The following CDK13 variants were observed in gnomAD, a reference collection of about 807,000 sequenced individuals.
CDK13 encodes the protein cyclin dependent kinase 13.
Under a neutral mutation model 137.6 loss-of-function variants are expected in CDK13, and 40 were observed. That is an observed-to-expected ratio of 0.29 (90% CI 0.23 to 0.38). CDK13 has a LOEUF of 0.38. Among genes scored for constraint, CDK13 ranks in the 10% least tolerant of loss-of-function variants. CDK13 has a pLI of 1.00. For missense variants in CDK13, 1,704 were observed against 1,951.8 expected (o/e 0.87, Z 2.39); for synonymous variants, 869 against 760.1 (o/e 1.14, Z -2.36).
chr7:39,974,998 A>G (rs1463344420), intron 1 of CDK13, among the ~76,000 whole-genome samples: 1 of 152,190 alleles, frequency 6.6e-6, no homozygotes, highest in Non-Finnish European at 1.5e-5. Context: ...AGTTAGCTGC[A>G]GATTCGTCAT....
At chr7:40,090,574 G>A (rs919912781) in intron 12 of CDK13, among the ~76,000 whole-genome samples, 2 of 152,014 alleles carry the variant, frequency 1.3e-5, no homozygotes, top group Non-Finnish European at 2.9e-5. Context: ...GGCTGGTCTC[G>A]AACTCCTGAC....
intron 5 of CDK13, among the ~76,000 whole-genome samples, chr7:40,043,636 A>G (rs1785663872): frequency 6.6e-6 from 1 of 152,072 alleles, no homozygotes. Context: ...TGGGTAACAT[A>G]GAGAGACCCC....
At chr7:40,046,085 G>A (rs1785732783) in intron 6 of CDK13, 60 bp downstream of exon 6, 22 of 1,044,304 alleles carry the variant, frequency 2.1e-5, no homozygotes, top group Non-Finnish European at 2.8e-5. Context: ...TGTACATGGA[G>A]AGAATAGACT....
intron 4 of CDK13, among the ~76,000 whole-genome samples, chr7:40,001,582 A>G (rs1023029852): frequency 2.0e-5 from 3 of 152,148 alleles, no homozygotes; most frequent in African/African-American, 4.8e-5. Flanking sequence ...TTTTTCACTA[A>G]ATATATAAAT....
In CDK13 at chr7:40,088,350, G is replaced by A; in HGVS notation, c.3235+19G>A. 6.3e-7 allele frequency: 1 copy of A among 1,594,026 alleles called. No homozygotes were observed. The highest frequency in any genetic ancestry group is 8.6e-7 in the Non-Finnish European group (1 of 1,163,540). On this transcript the variant is annotated intron_variant, in intron 12 of 13. Coordinates refer to ENST00000181839, the MANE Select transcript of CDK13 (RefSeq NM_003718.5). ...GCACCTGGTCAGTAATGCTTCCATGGGTTGGTTTTCTTCACATTGTTTTGC... is the reference window on the plus strand; with the variant it reads ...GCACCTGGTCAGTAATGCTTCCATGAGTTGGTTTTCTTCACATTGTTTTGC...
intron 7 of CDK13, among the ~76,000 whole-genome samples, chr7:40,050,094 C>G (rs1255935312): frequency 1.3e-5 from 2 of 151,670 alleles, no homozygotes; most frequent in African/African-American, 4.9e-5. Flanking sequence ...ATTCTCCTGC[C>G]TCAGCCTACC....
At chr7:40,045,432 CTTTT>C (rs11362792) in intron 5 of CDK13, among the ~76,000 whole-genome samples, 29 of 130,782 alleles carry the variant, frequency 2.2e-4, no homozygotes, top group Middle Eastern at 4.5e-3. Flanking sequence ...GGCCTGTACT[CTTTT>C]TTTTTTTTTT....
chr7:39,966,896 G>A (rs775564417), intron 1 of CDK13, among the ~76,000 whole-genome samples: 40 of 152,094 alleles, frequency 2.6e-4, no homozygotes, highest in Non-Finnish European at 4.9e-4. Context: ...CTGTTTGCCT[G>A]GGTATCAGCA....
chr7:40,041,778 A>G (rs573520091), intron 5 of CDK13, among the ~76,000 whole-genome samples: 1 of 151,354 alleles, frequency 6.6e-6, no homozygotes, highest in East Asian at 1.9e-4. Flanking sequence ...TCTCTACAAC[A>G]TTTTTCAAAG....
intron 5 of CDK13, among the ~76,000 whole-genome samples, chr7:40,010,053 T>G (rs1044827910): frequency 1.8e-4 from 27 of 151,220 alleles, no homozygotes; most frequent in African/African-American, 6.6e-4. Flanking sequence ...GTGGGGGAGG[T>G]GGGGATGGTT....
chr7:40,069,256 C>G (rs11760551), intron 9 of CDK13: 10 of 443,692 alleles, frequency 2.3e-5, no homozygotes, highest in Non-Finnish European at 4.5e-5. Context: ...AATAAAACAA[C>G]AAAACATAAA....
At chr7:40,010,519 A>G (rs1006331189) in intron 5 of CDK13, among the ~76,000 whole-genome samples, 9 of 152,134 alleles carry the variant, frequency 5.9e-5, no homozygotes, top group Admixed American at 4.6e-4. Context: ...CCCCGTCTCT[A>G]CTAAAAATAC....
intron 1 of CDK13, among the ~76,000 whole-genome samples, chr7:39,957,893 C>G (rs1787469156): frequency 6.6e-6 from 1 of 151,906 alleles, no homozygotes; most frequent in African/African-American, 2.4e-5. Flanking sequence ...TTAATTTTTT[C>G]CTTTATTTTG....
intron 4 of CDK13, among the ~76,000 whole-genome samples, chr7:40,000,202 C>A (rs1194545396): frequency 2.0e-5 from 3 of 151,936 alleles, no homozygotes; most frequent in Admixed American, 6.6e-5. Flanking sequence ...ATGAAGAAAC[C>A]CTGTCTCTAC....
intron 5 of CDK13, among the ~76,000 whole-genome samples, chr7:40,037,162 A>G (rs1391560712): frequency 2.6e-5 from 4 of 152,172 alleles, no homozygotes; most frequent in African/African-American, 7.2e-5. Context: ...GTTTATTTAG[A>G]TACAAATTCA....
intron 5 of CDK13, among the ~76,000 whole-genome samples, chr7:40,006,419 C>G (rs929837777): frequency 9.2e-5 from 14 of 152,164 alleles, no homozygotes; most frequent in Non-Finnish European, 1.6e-4. Context: ...TTCTTTGTTA[C>G]TTTCTTCCTT....
At chr7:40,056,050 G>T (rs1426936441) in intron 7 of CDK13, among the ~76,000 whole-genome samples, 1 of 152,054 alleles carries the variant, frequency 6.6e-6, no homozygotes, top group South Asian at 2.1e-4. Flanking sequence ...CATCCTAATC[G>T]TAACGTGGAT....
At chr7:40,089,934 A>G (rs3800799) in intron 12 of CDK13, among the ~76,000 whole-genome samples, 13,869 of 152,178 alleles carry the variant, frequency 0.091, 1,010 homozygotes, top group East Asian at 0.33. Context: ...ATGCTTGCCA[A>G]TGTAGTCTAC....
intron 5 of CDK13, among the ~76,000 whole-genome samples, chr7:40,040,708 T>G (rs902623807): frequency 2.6e-5 from 4 of 152,208 alleles, no homozygotes; most frequent in African/African-American, 9.6e-5. Flanking sequence ...TGTGAGCTTT[T>G]TAAATTTAAT....
Sources: allele counts gnomAD v4.1 joint callset (sites outside exome capture counted in the v4.1 genomes callset), GRCh38; gene constraint gnomAD v4.1.1; transcripts MANE v1.5; gene names NCBI Gene and HGNC (gene_info 2026-07-23, HGNC 2026-07-21).